The following TTC6 variants were observed in gnomAD, a reference collection of about 807,000 sequenced individuals.
The protein encoded by TTC6 is tetratricopeptide repeat protein 6.
Under a neutral mutation model 210.4 loss-of-function variants are expected in TTC6, and 172 were observed. The observed-to-expected ratio is 0.82, with a 90% confidence interval of 0.72 to 0.93. The LOEUF (loss-of-function observed/expected upper bound fraction) is 0.93. Among genes scored for constraint, TTC6 ranks in the 40% least tolerant of loss-of-function variants. The pLI is 0.00. For synonymous variants in TTC6, 804 were observed against 819.6 expected, an observed-to-expected ratio of 0.98 and a Z score of 0.32; for missense variants, 2,414 against 2,318.1, an observed-to-expected ratio of 1.04 and a Z score of -0.85.
At chr14:37,615,594 A>G (rs1355729419) in intron 2 of TTC6, among the ~76,000 whole-genome samples, 2 of 151,972 alleles carry the variant, frequency 1.3e-5, no homozygotes, top group Non-Finnish European at 2.9e-5. Flanking sequence ...TTCAGGTATA[A>G]AATTTCTATT....
intron 14 of TTC6, among the ~76,000 whole-genome samples, chr14:37,763,867 T>C (rs1030406148): frequency 3.3e-5 from 5 of 151,850 alleles, no homozygotes; most frequent in African/African-American, 1.2e-4. Flanking sequence ...CTTTTATTTT[T>C]CTTGGCTTAT....
chr14:37,746,664 G>C (rs1226354169), intron 10 of TTC6, among the ~76,000 whole-genome samples: 1 of 152,160 alleles, frequency 6.6e-6, no homozygotes, highest in Non-Finnish European at 1.5e-5. Flanking sequence ...GGAGATATGT[G>C]GGAGGCTGAG....
intron 6 of TTC6, among the ~76,000 whole-genome samples, chr14:37,722,397 C>G (rs967682696): frequency 6.6e-6 from 1 of 152,166 alleles, no homozygotes; most frequent in Non-Finnish European, 1.5e-5. Context: ...AATAAATTCT[C>G]TCCTGAAGGT....
intron 5 of TTC6, among the ~76,000 whole-genome samples, chr14:37,709,078 T>A (rs2095840295): frequency 6.6e-6 from 1 of 152,052 alleles, no homozygotes; most frequent in South Asian, 2.1e-4. Flanking sequence ...AGTGTAGGTA[T>A]CTGCGACTGA....
chr14:37,714,309 G>C (rs1175882474), intron 5 of TTC6, among the ~76,000 whole-genome samples: 1 of 151,926 alleles, frequency 6.6e-6, no homozygotes, highest in African/African-American at 2.4e-5. Context: ...GAAACTTTGT[G>C]TGTATGTGTG....
intron 5 of TTC6, among the ~76,000 whole-genome samples, chr14:37,703,305 C>T (rs1012104790): frequency 6.6e-6 from 1 of 151,972 alleles, no homozygotes; most frequent in Non-Finnish European, 1.5e-5. Flanking sequence ...TTCCAAGAGT[C>T]AATAAATGTT....
chr14:37,670,595 C>T (rs1055219956), intron 1 of TTC6, among the ~76,000 whole-genome samples: 3 of 151,222 alleles, frequency 2.0e-5, no homozygotes, highest in African/African-American at 4.9e-5. Flanking sequence ...CTCAGCCTTC[C>T]GAGTAGCTGG....
chr14:37,683,075 G>A (rs2095787485), intron 3 of TTC6, 111 bp downstream of exon 5: 2 of 894,390 alleles, frequency 2.2e-6, no homozygotes, highest in East Asian at 2.6e-5. Context: ...GGGCGGGGGT[G>A]ATGGTGTGTT....
At chr14:37,839,121 C>G (rs2096204445) in intron 29 of TTC6, among the ~76,000 whole-genome samples, 2 of 152,116 alleles carry the variant, frequency 1.3e-5, no homozygotes, top group African/African-American at 2.4e-5. Context: ...GTGCATGTGT[C>G]TTTATAGTAG....
chr14:37,599,924 C>T (rs1004393298), intron 1 of TTC6, among the ~76,000 whole-genome samples: 1 of 152,158 alleles, frequency 6.6e-6, no homozygotes, highest in Non-Finnish European at 1.5e-5. Context: ...TTGTTCACAC[C>T]GGTCAGCGCC....
At chr14:37,831,072 T>C (rs1040927346) in intron 29 of TTC6, among the ~76,000 whole-genome samples, 9 of 151,800 alleles carry the variant, frequency 5.9e-5, no homozygotes, top group Non-Finnish European at 1.0e-4. Context: ...CCTGTCTTCA[T>C]CCCCTCGCCC....
intron 1 of TTC6, among the ~76,000 whole-genome samples, chr14:37,633,683 A>G (rs2095674542): frequency 6.6e-6 from 1 of 152,248 alleles, no homozygotes. Context: ...GGATGGAGAC[A>G]GTGGAGTGTC....
At chr14:37,601,925 A>G (rs569931642) in intron 1 of TTC6, among the ~76,000 whole-genome samples, 2 of 152,322 alleles carry the variant, frequency 1.3e-5, no homozygotes, top group South Asian at 4.1e-4. Flanking sequence ...ATTTTCTGTC[A>G]GGCAACACTT....
chr14:37,621,523 C>T (rs563889937), upstream of TTC6, among the ~76,000 whole-genome samples: 6 of 152,174 alleles, frequency 3.9e-5, no homozygotes, highest in South Asian at 2.1e-4. Context: ...GTGGGAGGAT[C>T]GCTTGAGCCC....
intron 14 of TTC6, among the ~76,000 whole-genome samples, chr14:37,778,655 C>A (rs147674301): frequency 0.037 from 5,590 of 152,122 alleles, 142 homozygotes; most frequent in South Asian, 0.095. Context: ...GCAGGTGGAC[C>A]GGTGCCTGTC....
chr14:37,650,648 C>T (rs1020139817), intron 1 of TTC6, among the ~76,000 whole-genome samples: 2 of 152,158 alleles, frequency 1.3e-5, no homozygotes, highest in African/African-American at 4.8e-5. Context: ...CTTGTCTCTG[C>T]TAGATCTGTG....
chr14:37,829,133 T>A (rs573493990), intron 29 of TTC6, among the ~76,000 whole-genome samples: 1 of 152,044 alleles, frequency 6.6e-6, no homozygotes. Context: ...CCTTTGCTTT[T>A]CCTTTTATTT....
Position 37,724,903 on chromosome 14 carries a change from T to A in TTC6, c.1719T>A (p.Tyr573Ter), listed in dbSNP as rs1251635747. The A allele has an allele frequency of 6.6e-7, 1 of 1,519,086 alleles. No individual in the cohort carries two copies. Among genetic ancestry groups the A allele is most frequent in the Admixed American group, 2.0e-5 (1 of 50,548 alleles). 94.1% of individuals were successfully genotyped at this position (1,519,086 alleles called of 1,614,324 possible). A position where few individuals can be genotyped will look rare whatever the true frequency, so the allele number is the denominator to read the frequency against. Reference sequence around the variant, plus strand: ...CTTTTATGTTATTTTCAAAGATGTATGCTTATCCAGAATTCACGAAGTTGT... The same window carrying A: ...CTTTTATGTTATTTTCAAAGATGTAAGCTTATCCAGAATTCACGAAGTTGT... The change falls in exon 7 of 31, where the codon TAT becomes TAA. Residue 573 changes from tyrosine (Y) to a stop codon, truncating the protein, a stop_gained. Coordinates refer to ENST00000553443, the Ensembl canonical transcript of TTC6. LOFTEE classifies it high-confidence loss of function.
At chr14:37,717,507 AGATT>A (rs2095854649) in intron 6 of TTC6, among the ~76,000 whole-genome samples, 1 of 152,158 alleles carries the variant, frequency 6.6e-6, no homozygotes, top group East Asian at 1.9e-4. Flanking sequence ...AGTATGAAAT[AGATT>A]ATTTGAATAG....
Sources: gnomAD v4.1 joint callset for allele counts (sites outside exome capture counted in the v4.1 genomes callset) on GRCh38, gnomAD v4.1.1 for gene constraint, MANE v1.5 for transcripts, NCBI Gene and HGNC (gene_info 2026-07-23, HGNC 2026-07-21) for gene names.